FBXO25: variants seen among roughly 807,000 people sequenced by gnomAD.
The protein encoded by FBXO25 is F-box only protein 25.
A neutral mutation model predicts 51.9 loss-of-function variants in FBXO25; 45 were observed. That is an observed-to-expected ratio of 0.87 (90% CI 0.68 to 1.11). The LOEUF (loss-of-function observed/expected upper bound fraction) is 1.11, where lower values mean the gene tolerates loss of function less well. Among genes scored for constraint, FBXO25 ranks in the 50% most tolerant of loss-of-function variants. FBXO25 has a pLI of 0.00. For synonymous variants in FBXO25, 199 were observed against 151.0 expected (o/e 1.32, Z -2.33); for missense variants, 507 against 428.5 (o/e 1.18, Z -1.62).
At position 418,788 on chromosome 8, in the gene FBXO25, C is replaced by G. The variant is rs1354687671; in HGVS notation, c.134+5575C>G. Among the ~76,000 whole-genome samples the G allele has an allele frequency of 3.9e-5, 6 of 152,110 alleles. No individual in the cohort carries two copies. In the South Asian group the frequency reaches 1.0e-3, roughly 26 times the overall value. The stretch of plus-strand genomic sequence containing the variant: ...CAGGAGAAATCAAAGTTTTTTTAAC[C>G]AAGGTAGTTCAATTGGGAAGGGAAA... On this transcript the variant is annotated intron_variant, in intron 2 of 9. Transcript: ENST00000350302.
chr8:426,424 C>T (rs1797483176), intron 2 of FBXO25, among the ~76,000 whole-genome samples: 1 of 151,982 alleles, frequency 6.6e-6, no homozygotes. Context: ...CAGTTTTCAT[C>T]ATTTCTGATT....
intron 2 of FBXO25, among the ~76,000 whole-genome samples, chr8:423,597 C>A (rs1037239675): frequency 6.6e-6 from 1 of 152,188 alleles, no homozygotes; most frequent in Non-Finnish European, 1.5e-5. Flanking sequence ...CAAGCTCCAT[C>A]CATGTTGCTG....
chr8:413,827 G>A (rs763006304), intron 2 of FBXO25, among the ~76,000 whole-genome samples: 1 of 152,232 alleles, frequency 6.6e-6, no homozygotes, highest in Non-Finnish European at 1.5e-5. Flanking sequence ...TAGAGCACTA[G>A]CGCAAGGGAT....
intron 5 of FBXO25, among the ~76,000 whole-genome samples, chr8:442,308 T>G (rs1357291393): frequency 3.9e-5 from 6 of 151,938 alleles, no homozygotes; most frequent in Non-Finnish European, 8.8e-5. Context: ...TTTACCACAG[T>G]TAAACTCCTT....
rs565893703 is a variant in FBXO25 at position 453,989 on chromosome 8, T to C, written c.660+2536T>C. ...AAATACAAAAATTGGCCAGGTGTGG[T>C]GGCAGGTACCTGTAGTCACAGCTAC... On this transcript the variant is annotated intron_variant, in intron 7 of 9. Coordinates refer to ENST00000350302, the MANE Select transcript of FBXO25 (RefSeq NM_183420.2). Among the ~76,000 whole-genome samples, 6 of 152,158 alleles carry C rather than the reference T, an allele frequency of 3.9e-5. No homozygotes were observed. The East Asian group carries it at 1.2e-3, about 30-fold the overall frequency.
At chr8:425,605 T>G (rs1234100224) in intron 2 of FBXO25, among the ~76,000 whole-genome samples, 5 of 151,654 alleles carry the variant, frequency 3.3e-5, no homozygotes, top group African/African-American at 9.7e-5. Flanking sequence ...TAATTTATTT[T>G]TATTATTTAA....
chr8:407,932 A>C (rs1796263524), intron 1 of FBXO25, among the ~76,000 whole-genome samples: 1 of 152,206 alleles, frequency 6.6e-6, no homozygotes, highest in Non-Finnish European at 1.5e-5. Flanking sequence ...TGAAGACTAA[A>C]GAATCTAGAG....
At chr8:407,683 C>G (rs919317663) in intron 1 of FBXO25, among the ~76,000 whole-genome samples, 2 of 152,122 alleles carry the variant, frequency 1.3e-5, no homozygotes, top group African/African-American at 2.4e-5. Flanking sequence ...CGGTGGGCAC[C>G]TGCTAGGTGT....
intron 6 of FBXO25, 135 bp downstream of exon 6, chr8:450,218 G>A (rs1798995427): frequency 1.9e-6 from 1 of 536,176 alleles, no homozygotes. Flanking sequence ...GATAACATCA[G>A]AAATACAGGT....
intron 5 of FBXO25, among the ~76,000 whole-genome samples, chr8:447,340 A>C (rs1438549078): frequency 6.6e-6 from 1 of 152,056 alleles, no homozygotes; most frequent in Non-Finnish European, 1.5e-5. Context: ...GCATCTGCAA[A>C]ACAGGTGCCC....
chr8:422,462 G>T lies in FBXO25; in HGVS notation c.135-8879G>T, dbSNP rs1797215446. On this transcript the variant is annotated intron_variant, in intron 2 of 9. Coordinates refer to ENST00000350302, the MANE Select transcript of FBXO25 (RefSeq NM_183420.2). The stretch of plus-strand genomic sequence containing the variant: ...TAGTGTGTCAGCTAAGTACAGTGTG[G>T]ATCCTGGACTGGGCCCAGCAGCAGA... Among the ~76,000 whole-genome samples the T allele has an allele frequency of 1.3e-5, 2 of 152,210 alleles. 1 individual carries two copies. Among genetic ancestry groups the T allele is most frequent in the South Asian group, 4.1e-4 (2 of 4,820 alleles).
At chr8:418,066 A>G (rs1388140611) in intron 2 of FBXO25, among the ~76,000 whole-genome samples, 1 of 152,152 alleles carries the variant, frequency 6.6e-6, no homozygotes, top group Non-Finnish European at 1.5e-5. Context: ...GTGTCAGTGC[A>G]GGTTACACAC....
chr8:474,536 A>T lies in FBXO25; in HGVS notation c.*5732A>T. ...CCACTGAAGGTTCCAGTTTTGCCAC[A>T]TCCTTGCCAACACCTGTTTTTAATA... is the stretch of plus-strand genomic sequence containing the variant. On this transcript the variant is annotated 3_prime_UTR_variant, in exon 10 of 10. Coordinates refer to ENST00000350302, the MANE Select transcript of FBXO25 (RefSeq NM_183420.2). 2.9e-6 allele frequency: 1 copy of T among 346,026 alleles called. No homozygotes were observed. The highest frequency in any genetic ancestry group is 5.6e-6 in the Non-Finnish European group (1 of 179,882). The allele number at this position is 346,026 out of a possible 1,614,324, so 21.4% of individuals were successfully genotyped here.
In FBXO25 at chr8:475,303, G is replaced by A. The variant is rs1037366163; in HGVS notation, c.*6499G>A. 5.4e-6 allele frequency: 1 copy of A among 184,488 alleles called. No homozygotes were observed. The highest frequency in any genetic ancestry group is 1.1e-5 in the Non-Finnish European group (1 of 89,064). The allele number at this position is 184,488 out of a possible 1,614,324, so 11.4% of individuals were successfully genotyped here. On this transcript the variant is annotated 3_prime_UTR_variant, in exon 10 of 10. Coordinates refer to ENST00000350302, the MANE Select transcript of FBXO25 (RefSeq NM_183420.2). ...GCTATTCTGTTCCATTGGTCTACAT[G>A]ACTGTCTTTGTTTCAATACAACACC...
At chr8:455,404 T>C (rs1403754712) in intron 7 of FBXO25, among the ~76,000 whole-genome samples, 1 of 152,080 alleles carries the variant, frequency 6.6e-6, no homozygotes, top group Non-Finnish European at 1.5e-5. Flanking sequence ...GACTTTGAAG[T>C]GGGTGCGAGG....
rs1451966133 is a variant in FBXO25, at chr8:470,321, TA to T, written c.*1520del. ...TGAGTCAAACATATTTTAAGGCTTT[TA>T]AATATATTTCTAGATTGTTCATGAA... On this transcript the variant is annotated 3_prime_UTR_variant, in exon 10 of 10. Transcript: ENST00000350302. The T allele has an allele frequency of 2.6e-5, 4 of 152,330 alleles. No homozygotes were observed. The highest frequency in any genetic ancestry group is 9.6e-5 in the African/African-American group (4 of 41,566). 9.4% of individuals were successfully genotyped at this position (152,330 alleles called of 1,614,324 possible).
intron 2 of FBXO25, among the ~76,000 whole-genome samples, chr8:416,995 A>G (rs1422668419): frequency 1.3e-5 from 2 of 152,202 alleles, no homozygotes; most frequent in African/African-American, 2.4e-5. Flanking sequence ...ACCTTAGGCA[A>G]TGAGAGCAGG....
At chr8:463,197 GAAAC>G (rs761300302) in intron 9 of FBXO25, 47 bp downstream of exon 9, 1 of 1,586,404 alleles carries the variant, frequency 6.3e-7, no homozygotes, top group East Asian at 2.2e-5. Context: ...AAATTTTGGT[GAAAC>G]AAACTAATCA....
At chr8:435,417 C>G (rs1448231058) in intron 4 of FBXO25, 198 bp from the exon 5 acceptor site, 1 of 602,608 alleles carries the variant, frequency 1.7e-6, no homozygotes, top group Non-Finnish European at 2.9e-6. Flanking sequence ...TTAACGGTGT[C>G]TCAGGTATAC....
Sources: gnomAD v4.1 joint callset for allele counts (sites outside exome capture counted in the v4.1 genomes callset) on GRCh38, gnomAD v4.1.1 for gene constraint, MANE v1.5 for transcripts, NCBI Gene and HGNC (gene_info 2026-07-23, HGNC 2026-07-21) for gene names.